The following SLC5A8 variants were observed in gnomAD, a reference collection of about 807,000 sequenced individuals.
SLC5A8 encodes sodium-coupled monocarboxylate transporter 1.
Under a neutral mutation model 71.9 loss-of-function variants are expected in SLC5A8, and 55 were observed. That is an observed-to-expected ratio of 0.77 (90% confidence interval 0.62 to 0.96). The LOEUF (loss-of-function observed/expected upper bound fraction) is 0.96. Among genes scored for constraint, SLC5A8 ranks in the 40% least tolerant of loss-of-function variants. SLC5A8 has a pLI of 0.00. For synonymous variants in SLC5A8, 307 were observed against 276.1 expected (o/e 1.11, Z -1.11); for missense variants, 701 against 745.3 (o/e 0.94, Z 0.69).
At chr12:101,175,739 TA>T (rs2051874244) in intron 10 of SLC5A8, among the ~76,000 whole-genome samples, 1 of 151,966 alleles carries the variant, frequency 6.6e-6, no homozygotes, top group South Asian at 2.1e-4. Context: ...AGTAGAAAAA[TA>T]TTTTTTTAAC....
At chr12:101,191,144 T>C (rs1310389220) in intron 5 of SLC5A8, among the ~76,000 whole-genome samples, 1 of 152,174 alleles carries the variant, frequency 6.6e-6, no homozygotes, top group Non-Finnish European at 1.5e-5. Context: ...AAAAACTGCA[T>C]GTCATTGTAA....
intron 6 of SLC5A8, among the ~76,000 whole-genome samples, chr12:101,188,623 G>A (rs763558971): frequency 1.3e-5 from 2 of 152,086 alleles, no homozygotes; most frequent in African/African-American, 4.8e-5. Context: ...TCTCCCTCTC[G>A]TCAATCCTGT....
At chr12:101,183,253 G>A (rs1868452807) in intron 8 of SLC5A8, among the ~76,000 whole-genome samples, 1 of 151,910 alleles carries the variant, frequency 6.6e-6, no homozygotes, top group African/African-American at 2.4e-5. Context: ...CACTGTGTTA[G>A]CCAGGATGGT....
At chr12:101,204,605 C>G (rs765898529) in intron 1 of SLC5A8, 40 bp from the exon 2 acceptor site, 13 of 1,431,602 alleles carry the variant, frequency 9.1e-6, no homozygotes, top group Middle Eastern at 1.8e-4. Context: ...CTCTGGATGC[C>G]TTTTTTAAAA....
chr12:101,203,351 T>G (rs1269599917), intron 2 of SLC5A8, among the ~76,000 whole-genome samples: 3 of 152,224 alleles, frequency 2.0e-5, no homozygotes. Context: ...GCAGCTTTTT[T>G]TCCTTTTTTT....
At position 101,209,391 on chromosome 12, in the gene SLC5A8, G is replaced by A. The variant is rs1869815849; in HGVS notation, c.351+107C>T. 3.8e-6 allele frequency: 3 copies of A among 789,706 alleles called. No homozygotes were observed. In the Admixed American group the frequency reaches 8.8e-5, roughly 23 times the overall value. 48.9% of individuals were successfully genotyped at this position (789,706 alleles called of 1,614,324 possible). ...GTGATGATGACGATGGACGGGGAGA[G>A]ATTTCGATGTGGCAGTGACAGTCTG... On this transcript the variant is annotated intron_variant, in intron 1 of 14. Transcript: ENST00000536262.
At chr12:101,191,722 T>C (rs1434831689) in intron 5 of SLC5A8, among the ~76,000 whole-genome samples, 1 of 152,222 alleles carries the variant, frequency 6.6e-6, no homozygotes, top group East Asian at 1.9e-4. Context: ...CCTTCTTCTC[T>C]TCATTTATCT....
chr12:101,184,099 G>A lies in SLC5A8; in HGVS notation c.1052+35C>T, dbSNP rs1593373855. The A allele has an allele frequency of 3.8e-6, 6 of 1,578,516 alleles. No individual in the cohort carries two copies. In the East Asian group the frequency reaches 1.3e-4, roughly 35 times the overall value. ...TAATAATAAAAGAAAGATCCCAACAGGGAAATCATATGTTATTAGAGTCAT... is the reference window on the plus strand; with the variant it reads ...TAATAATAAAAGAAAGATCCCAACAAGGAAATCATATGTTATTAGAGTCAT... On this transcript the variant is annotated intron_variant, in intron 8 of 14. Transcript: ENST00000536262.
intron 10 of SLC5A8, among the ~76,000 whole-genome samples, chr12:101,169,593 C>T (rs1190111218): frequency 6.6e-6 from 1 of 152,156 alleles, no homozygotes; most frequent in Middle Eastern, 3.2e-3. Context: ...TCCTGGAGGA[C>T]CCCTGCTGTG....
rs764579128 is a variant in SLC5A8, at chr12:101,209,431, C to T, written c.351+67G>A. The T allele has an allele frequency of 3.9e-6, 5 of 1,281,268 alleles. No individual in the cohort carries two copies. The East Asian group carries it at 7.6e-5, about 20-fold the overall frequency. The allele number at this position is 1,281,268 out of a possible 1,614,324, so 79.4% of individuals were successfully genotyped here. ...GTGACAGTCTGCCCCCAAGAAAACG[C>T]CTCCAGAGGTCTGCAGAGTCCCCTT... is the stretch of plus-strand genomic sequence containing the variant. On this transcript the variant is annotated intron_variant, in intron 1 of 14. Coordinates refer to ENST00000536262, the MANE Select transcript of SLC5A8 (RefSeq NM_145913.5).
chr12:101,200,039 A>AAAAAAAAAAAAAAAAAAAAAAAAAAAAT (rs1869380752), intron 3 of SLC5A8, among the ~76,000 whole-genome samples: 1 of 100,902 alleles, frequency 9.9e-6, no homozygotes, highest in African/African-American at 4.4e-5. Flanking sequence ...AAAAAAAAAA[A>AAAAAAAAAAAAAAAAAAAAAAAAAAAAT]AAAAAAAAAA....
Position 101,209,511 on chromosome 12 carries a change from G to C in SLC5A8, c.338C>G (p.Thr113Ser), listed in dbSNP as rs1869825205. The C allele has an allele frequency of 6.2e-7, 1 of 1,606,048 alleles. No homozygotes were observed. Among genetic ancestry groups the C allele is most frequent in the Non-Finnish European group, 8.5e-7 (1 of 1,176,170 alleles). Residue 113 changes from threonine (T) to serine (S), a missense_variant, in exon 1 of 15, where the codon ACC becomes AGC. Transcript: ENST00000536262. Reference sequence around the variant, plus strand: ...CCTGCCCCTTACCTCGTAGGTGCTGGTAATTCCCAGTTTGTAGAACACCGG... The same window carrying C: ...CCTGCCCCTTACCTCGTAGGTGCTGCTAATTCCCAGTTTGTAGAACACCGG... ...FLPVFYKLGI[T>S]STYEYLELRF...
In SLC5A8 at chr12:101,195,229, C is replaced by A. The variant is rs1313043823; in HGVS notation, c.470-67G>T. On this transcript the variant is annotated intron_variant, in intron 3 of 14. Coordinates refer to ENST00000536262, the MANE Select transcript of SLC5A8 (RefSeq NM_145913.5). ...CACAATAAAAATAATCCTCAAAAATCATCAGAGAAGGAAGCTATATCATTT... is the reference window on the plus strand; with the variant it reads ...CACAATAAAAATAATCCTCAAAAATAATCAGAGAAGGAAGCTATATCATTT... 5 of 1,538,044 alleles carry A rather than the reference C, an allele frequency of 3.3e-6. No individual in the cohort carries two copies. In the Admixed American group the frequency reaches 8.9e-5, roughly 27 times the overall value.
intron 1 of SLC5A8, among the ~76,000 whole-genome samples, chr12:101,205,701 T>C (rs1049359768): frequency 6.6e-6 from 1 of 152,206 alleles, no homozygotes; most frequent in African/African-American, 2.4e-5. Context: ...AGGTACTGTG[T>C]ATAAACCCAT....
chr12:101,190,688 A>AATAT, intron 5 of SLC5A8, 80 bp from the exon 6 acceptor site: 1 of 1,325,590 alleles, frequency 7.5e-7, no homozygotes, highest in African/African-American at 1.5e-5. Context: ...ATTTGGAAGC[A>AATAT]AGCAATGCAC....
chr12:101,174,077 C>A (rs887093130), intron 10 of SLC5A8, among the ~76,000 whole-genome samples: 1 of 152,174 alleles, frequency 6.6e-6, no homozygotes, highest in Non-Finnish European at 1.5e-5. Flanking sequence ...ATAAAAACTA[C>A]CAGACACACT....
At chr12:101,161,731 TCA>T (rs965742307) in intron 13 of SLC5A8, among the ~76,000 whole-genome samples, 1 of 152,208 alleles carries the variant, frequency 6.6e-6, no homozygotes, top group Non-Finnish European at 1.5e-5. Context: ...AAGCTGAGGC[TCA>T]GTGTAGCTAT....
In SLC5A8 at chr12:101,209,771, G is replaced by A. The variant is rs1869844443; in HGVS notation, c.78C>T (p.Ala26=). The change falls in exon 1 of 15, where the codon GCC becomes GCT. Residue 26 remains alanine, a synonymous_variant. Transcript: ENST00000536262. ...CGAAGGCGTAGTAGATGCCGATGGC[G>A]GCCGAGATGACCAGCATGCCCGCGA... The part of the protein sequence containing the change: ...VVFAGMLVIS[A]AIGIYYAFAG... 1.9e-6 allele frequency: 3 copies of A among 1,610,784 alleles called. No homozygotes were observed. The highest frequency in any genetic ancestry group is 2.5e-6 in the Non-Finnish European group (3 of 1,178,600).
chr12:101,187,370 AGACATGGTACT>A lies in SLC5A8; in HGVS notation c.963+5_963+15del. ...AATATTATTAATACACCTGTAAGAAAGACATGGTACTGAACCTGGTCTGGTGCAGACACTTT... is the reference window on the plus strand; with the variant it reads ...AATATTATTAATACACCTGTAAGAAAGAACCTGGTCTGGTGCAGACACTTT... On this transcript the variant is annotated splice_donor_5th_base_variant and intron_variant, in intron 7 of 14. Coordinates refer to ENST00000536262, the MANE Select transcript of SLC5A8 (RefSeq NM_145913.5). The A allele has an allele frequency of 6.2e-7, 1 of 1,604,660 alleles. No homozygotes were observed. Among genetic ancestry groups the A allele is most frequent in the Non-Finnish European group, 8.5e-7 (1 of 1,176,398 alleles).
Sources: gnomAD v4.1 joint callset for allele counts (sites outside exome capture counted in the v4.1 genomes callset) on GRCh38, gnomAD v4.1.1 for gene constraint, MANE v1.5 for transcripts, NCBI Gene and HGNC (gene_info 2026-07-23, HGNC 2026-07-21) for gene names.